CEACAM20: variants seen among roughly 807,000 people sequenced by gnomAD.
CEACAM20 encodes CEA cell adhesion molecule 20.
Under a neutral mutation model 61.2 loss-of-function variants are expected in CEACAM20, and 50 were observed. The observed-to-expected ratio is 0.82, with a 90% CI of 0.65 to 1.03. The LOEUF is 1.03. CEACAM20 is among the 50% of genes least tolerant of loss of function. CEACAM20 has a pLI of 0.00. For missense variants in CEACAM20, 683 were observed against 736.4 expected (o/e 0.93, Z 0.84); for synonymous variants, 282 against 287.7 (o/e 0.98, Z 0.20).
Position 44,512,922 on chromosome 19 carries a change from G to A in CEACAM20, c.1459C>T (p.His487Tyr), listed in dbSNP as rs1252432225. Residue 487 changes from histidine to tyrosine, a missense_variant, in exon 8 of 12, where the codon CAT becomes TAT. By Grantham distance (83) the His-to-Tyr change is moderately conservative (BLOSUM62 2). Transcript: ENST00000614924. The stretch of plus-strand genomic sequence containing the variant: ...TTCGGGATGGGTTGTGAGGTCTCAT[G>A]ACTGGGGTCCTCTGTTGTTTTCCTT... ...PSRKTTEDPSHETSQPIPKEE... is the reference protein window; with the variant it reads ...PSRKTTEDPSYETSQPIPKEE... 1 of 1,613,644 alleles carries A rather than the reference G, an allele frequency of 6.2e-7. No homozygotes were observed. Among genetic ancestry groups the A allele is most frequent in the Non-Finnish European group, 8.5e-7 (1 of 1,179,768 alleles).
At position 44,513,461 on chromosome 19, in the gene CEACAM20, T is replaced by TC. The variant is rs1444501587; in HGVS notation, c.1310-173dup. On this transcript the variant is annotated intron_variant, in intron 6 of 11. Coordinates refer to ENST00000614924, the MANE Select transcript of CEACAM20 (RefSeq NM_001102597.3). ...GGTTTTGCTTTTTTTTTTTTTTTTTTCAGACAGGGTCTTGCTCTGTCACCC... is the reference window on the plus strand; with the variant it reads ...GGTTTTGCTTTTTTTTTTTTTTTTTTCCAGACAGGGTCTTGCTCTGTCACCC... Among the ~76,000 whole-genome samples, 12 of 150,150 alleles carry TC rather than the reference T, an allele frequency of 8.0e-5. 1 individual carries two copies. The highest frequency in any genetic ancestry group is 2.6e-4 in the Admixed American group (4 of 15,116).
chr19:44,526,572 A>C (rs575494960), intron 1 of CEACAM20, among the ~76,000 whole-genome samples: 2 of 151,500 alleles, frequency 1.3e-5, no homozygotes, highest in Non-Finnish European at 2.9e-5. Context: ...GCACACCACT[A>C]CGGGGGCTGC....
At chr19:44,518,108 AAGGAAGGAAGGAAGGAAGGAAGGAAGG>A (rs1971234743) in intron 5 of CEACAM20, among the ~76,000 whole-genome samples, 688 of 41,220 alleles carry the variant, frequency 0.017, 35 homozygotes, top group African/African-American at 0.023. Flanking sequence ...GAAAGAAAGG[AAGGAAGGAAGGAAGGAAGGAAGGAAGG>A]AAGGAAGGAA....
At chr19:44,528,634 CTG>C (rs1447613994) in intron 1 of CEACAM20, among the ~76,000 whole-genome samples, 1 of 151,986 alleles carries the variant, frequency 6.6e-6, no homozygotes, top group Non-Finnish European at 1.5e-5. Context: ...GGTTCTGTGG[CTG>C]TGACTCCATC....
intron 6 of CEACAM20, among the ~76,000 whole-genome samples, chr19:44,516,231 C>G (rs1269663474): frequency 6.6e-6 from 1 of 152,180 alleles, no homozygotes; most frequent in East Asian, 1.9e-4. Flanking sequence ...TTATTAACAT[C>G]ATTTCCGATT....
At chr19:44,521,568 T>C (rs1169096658) in intron 4 of CEACAM20, among the ~76,000 whole-genome samples, 1 of 152,072 alleles carries the variant, frequency 6.6e-6, no homozygotes, top group Non-Finnish European at 1.5e-5. Flanking sequence ...TGTGGGTTTG[T>C]ATGTATATGC....
chr19:44,511,960 A>G, intron 9 of CEACAM20, 57 bp downstream of exon 9: 1 of 1,498,970 alleles, frequency 6.7e-7, no homozygotes, highest in Non-Finnish European at 9.2e-7. Context: ...CTAAGAAGTA[A>G]GACTATAGCA....
intron 5 of CEACAM20, among the ~76,000 whole-genome samples, chr19:44,519,874 C>A (rs535468686): frequency 6.6e-6 from 1 of 152,290 alleles, no homozygotes; most frequent in East Asian, 1.9e-4. Context: ...ATCCAGGAAA[C>A]TAAGGCAGGC....
chr19:44,527,161 A>G (rs139075043), intron 1 of CEACAM20, among the ~76,000 whole-genome samples: 1 of 152,190 alleles, frequency 6.6e-6, no homozygotes, highest in Non-Finnish European at 1.5e-5. Flanking sequence ...TTCCACTGAA[A>G]AATGGAGATA....
In CEACAM20 at chr19:44,524,079, T is replaced by C. The variant is rs35443082; in HGVS notation, c.379A>G (p.Ile127Val). The change falls in exon 3 of 12, where the codon ATT becomes GTT. Residue 127 changes from isoleucine to valine, a missense_variant. Ile to Val is a conservative substitution (Grantham distance 29, BLOSUM62 3). Transcript: ENST00000614924. The part of the protein sequence containing the change: ...SKDGKILTIL[I>V]VQREDSGTYQ... ...GTCCCTGAGTCCTCCCGCTGGACAA[T>C]GAGAATGGTGAGGATCTTGCCATCC... 92,170 of 1,590,322 alleles carry C rather than the reference T, an allele frequency of 0.058. 2,878 individuals are homozygous for C. The highest frequency in any genetic ancestry group is 0.097 in the Admixed American group (5,287 of 54,730).
At chr19:44,526,737 G>A (rs969234937) in intron 1 of CEACAM20, among the ~76,000 whole-genome samples, 1 of 151,926 alleles carries the variant, frequency 6.6e-6, no homozygotes, top group Non-Finnish European at 1.5e-5. Flanking sequence ...AGCCAGGTAT[G>A]GTGATGTGCA....
chr19:44,511,020 A>G lies in CEACAM20; in HGVS notation c.1737+10T>C, dbSNP rs1224785040. The G allele has an allele frequency of 1.2e-6, 2 of 1,613,956 alleles. No homozygotes were observed. The highest frequency in any genetic ancestry group is 1.7e-6 in the Non-Finnish European group (2 of 1,179,852). On this transcript the variant is annotated intron_variant, in intron 11 of 11. Transcript: ENST00000614924. ...CACCTGTCCAAAGACTCAGTGTGGC[A>G]TAAACATACCTCATAGATTGACTCC...
chr19:44,512,985 C>T, intron 7 of CEACAM20, 32 bp from the exon 8 acceptor site: 1 of 1,569,386 alleles, frequency 6.4e-7, no homozygotes, highest in Non-Finnish European at 8.7e-7. Context: ...TATTCTGTGC[C>T]TCTAGTCCTT....
chr19:44,522,748 T>G lies in CEACAM20; in HGVS notation c.637A>C (p.Arg213=), dbSNP rs745404885. The G allele has an allele frequency of 7.4e-6, 12 of 1,613,810 alleles. No homozygotes were observed. The highest frequency in any genetic ancestry group is 9.3e-6 in the Non-Finnish European group (11 of 1,179,872). The change falls in exon 4 of 12, where the codon AGA becomes CGA. Residue 213 remains arginine, a synonymous_variant. Coordinates refer to ENST00000614924, the MANE Select transcript of CEACAM20 (RefSeq NM_001102597.3). ...GACACAGCATGGATGGTGAATGTTC[T>G]CGTGGTGTGAGACAGAATGGAGTCA... ...LLDSILSHTT[R]TFTIHAVSRE... is the part of the protein sequence containing the mutation.
Position 44,524,054 on chromosome 19 carries a change from G to A in CEACAM20, c.404C>T (p.Thr135Ile). 7 of 1,566,728 alleles carry A rather than the reference G, an allele frequency of 4.5e-6. No homozygotes were observed. The highest frequency in any genetic ancestry group is 1.3e-5 in the African/African-American group (1 of 74,270). The change falls in exon 3 of 12, where the codon ACT (threonine) becomes ATT (isoleucine). Residue 135 changes from threonine to isoleucine, a missense_variant. Transcript: ENST00000614924. ...GGCATCTCGAGCTTCACATTGGTAA[G>A]TCCCTGAGTCCTCCCGCTGGACAAT... ...ILIVQREDSGTYQCEARDALL... is the reference protein window; with the variant it reads ...ILIVQREDSGIYQCEARDALL...
chr19:44,524,494 G>A (rs186374034), intron 2 of CEACAM20, among the ~76,000 whole-genome samples: 4 of 152,318 alleles, frequency 2.6e-5, no homozygotes, highest in Admixed American at 2.0e-4. Context: ...GTGAGGCAGA[G>A]GGTCTGGGAC....
rs1568452842 is a variant in CEACAM20 at position 44,518,108 on chromosome 19, AAGGAAGG to A, written c.1031-891_1031-885del. On this transcript the variant is annotated intron_variant, in intron 5 of 11. Transcript: ENST00000614924. Reference sequence around the variant, plus strand: ...AAAGAAAGAAAGAAAGAAAGAAAGGAAGGAAGGAAGGAAGGAAGGAAGGAAGGAAGGA... The same window carrying A: ...AAAGAAAGAAAGAAAGAAAGAAAGGAAAGGAAGGAAGGAAGGAAGGAAGGA... Among the ~76,000 whole-genome samples the A allele has an allele frequency of 8.4e-3, 350 of 41,626 alleles. 1 individual carries two copies. Among genetic ancestry groups the A allele is most frequent in the African/African-American group, 0.015 (194 of 13,364 alleles). 27.3% of individuals were successfully genotyped at this position (41,626 alleles called of 152,430 possible).
At chr19:44,511,281 G>A (rs1038848262) in intron 10 of CEACAM20, 126 bp from the exon 11 acceptor site, 15 of 1,349,898 alleles carry the variant, frequency 1.1e-5, no homozygotes, top group Middle Eastern at 2.6e-4. Flanking sequence ...AGAATCAGAG[G>A]TGGAAGCAGG....
intron 3 of CEACAM20, 123 bp downstream of exon 3, chr19:44,523,863 A>G: frequency 9.3e-7 from 1 of 1,070,174 alleles, no homozygotes; most frequent in South Asian, 1.7e-5. Context: ...TCAAACAGTT[A>G]TATGTCTGAA....
Sources: gnomAD v4.1 joint callset for allele counts (sites outside exome capture counted in the v4.1 genomes callset) on GRCh38, gnomAD v4.1.1 for gene constraint, MANE v1.5 for transcripts, NCBI Gene and HGNC (gene_info 2026-07-23, HGNC 2026-07-21) for gene names.